The following FGR variants were observed in gnomAD, a reference collection of about 807,000 sequenced individuals.
The protein encoded by FGR is tyrosine-protein kinase Fgr.
Under a neutral mutation model 63.2 loss-of-function variants are expected in FGR, and 26 were observed. The ratio of observed to expected loss-of-function variants is 0.41; its 90% CI spans 0.30 to 0.57. The LOEUF is 0.57. Among genes scored for constraint, FGR ranks in the 20% least tolerant of loss-of-function variants. The pLI is 0.27. For synonymous variants in FGR, 286 were observed against 277.7 expected (o/e 1.03, Z -0.30); for missense variants, 511 against 690.8 (o/e 0.74, Z 2.92).
chr1:27,627,602 T>G (rs1037323886), intron 1 of FGR, among the ~76,000 whole-genome samples: 1 of 152,110 alleles, frequency 6.6e-6, no homozygotes, highest in African/African-American at 2.4e-5. Context: ...TAAGTAGTAT[T>G]ATTATTATTA....
In FGR at chr1:27,614,426, GC is replaced by G; in HGVS notation, c.1249+3del. The G allele has an allele frequency of 6.2e-7, 1 of 1,610,308 alleles. No individual in the cohort carries two copies. The highest frequency in any genetic ancestry group is 1.1e-5 in the South Asian group (1 of 90,710). Reference sequence around the variant, plus strand: ...CTCTTGGAAGGTGGGGTGAAGCAGGGCACCTTGGCAGGGGTTGTACTCATCG... The same window carrying G: ...CTCTTGGAAGGTGGGGTGAAGCAGGGACCTTGGCAGGGGTTGTACTCATCG... On this transcript the variant is annotated splice_donor_region_variant and intron_variant, in intron 11 of 12. Transcript: ENST00000374005.
chr1:27,626,199 C>T, intron 1 of FGR: 1 of 398,684 alleles, frequency 2.5e-6, no homozygotes, highest in Non-Finnish European at 4.4e-6. Context: ...AGCAAGGGTC[C>T]CCCACACCCT....
chr1:27,626,730 A>G (rs1054857448), intron 1 of FGR, among the ~76,000 whole-genome samples: 2 of 152,140 alleles, frequency 1.3e-5, no homozygotes, highest in Non-Finnish European at 2.9e-5. Flanking sequence ...CCTGGGATGA[A>G]ACCACTGTGT....
At chr1:27,628,313 A>G (rs1400346838) in intron 1 of FGR, among the ~76,000 whole-genome samples, 1 of 151,956 alleles carries the variant, frequency 6.6e-6, no homozygotes, top group Non-Finnish European at 1.5e-5. Flanking sequence ...ATGCCACTGT[A>G]CTCCAGCCTG....
At chr1:27,629,210 A>AAAAAGAAAAG (rs553090572) in intron 1 of FGR, among the ~76,000 whole-genome samples, 1 of 152,066 alleles carries the variant, frequency 6.6e-6, no homozygotes, top group Non-Finnish European at 1.5e-5. Flanking sequence ...TGACTCTCAA[A>AAAAAGAAAAG]AAAAGAAAAG....
chr1:27,626,230 A>C (rs916765008), intron 1 of FGR: 1 of 398,536 alleles, frequency 2.5e-6, no homozygotes, highest in Admixed American at 4.4e-5. Context: ...TTGCCATTGC[A>C]ACACTCAGAG....
At chr1:27,632,406 G>A (rs1344133273) in intron 1 of FGR, among the ~76,000 whole-genome samples, 1 of 152,028 alleles carries the variant, frequency 6.6e-6, no homozygotes, top group African/African-American at 2.4e-5. Flanking sequence ...CTAAAGTGCT[G>A]GGATTACAGG....
rs962155929 is a variant in FGR at position 27,615,504 on chromosome 1, G to C, written c.948C>G (p.Asp316Glu). The C allele has an allele frequency of 3.7e-6, 6 of 1,613,758 alleles. No homozygotes were observed. The African/African-American group carries it at 6.7e-5, about 18-fold the overall frequency. Residue 316 changes from aspartate to glutamate, a missense_variant, in exon 9 of 13, where the codon GAC becomes GAG. Coordinates refer to ENST00000374005, the MANE Select transcript of FGR (RefSeq NM_005248.3). This position sits in a 1 kb window ranked among gnomAD's most constrained non-coding sequence, Gnocchi z 7.6. ...CCACGGCGTACAGCTGCACCAGCTT[G>C]TCGTGCCGCAGCAGCTTCATGACCT... ...EAQVMKLLRHDKLVQLYAVVS... is the reference protein window; with the variant it reads ...EAQVMKLLRHEKLVQLYAVVS...
At chr1:27,633,188 G>A (rs1250065142) in intron 1 of FGR, among the ~76,000 whole-genome samples, 1 of 152,124 alleles carries the variant, frequency 6.6e-6, no homozygotes, top group Admixed American at 6.6e-5. Context: ...AACTTGGTAG[G>A]GATGAGGTAA....
Position 27,623,073 on chromosome 1 carries a change from T to C in FGR, c.298A>G (p.Lys100Glu), listed in dbSNP as rs1283299814. The C allele has an allele frequency of 6.2e-7, 1 of 1,613,988 alleles. No individual in the cohort carries two copies. The highest frequency in any genetic ancestry group is 8.5e-7 in the Non-Finnish European group (1 of 1,179,948). ...ARTEDDLTFT[K>E]GEKFHILNNT... ...TTCAGGATGTGGAACTTCTCGCCCT[T>C]GGTGAAGGTGAGGTCATCCTCAGTT... The change falls in exon 4 of 13, where the codon AAG becomes GAG. Residue 100 changes from lysine (K) to glutamate (E), a missense_variant. By Grantham distance (56) the Lys-to-Glu change is moderately conservative (BLOSUM62 1). Transcript: ENST00000374005.
intron 1 of FGR, among the ~76,000 whole-genome samples, chr1:27,630,059 G>A (rs2090082789): frequency 6.6e-6 from 1 of 151,854 alleles, no homozygotes; most frequent in Admixed American, 6.6e-5. Flanking sequence ...GATTTTTTTT[G>A]TGATTTTTTT....
chr1:27,618,239 A>G (rs745643725), intron 5 of FGR, among the ~76,000 whole-genome samples: 1 of 152,118 alleles, frequency 6.6e-6, no homozygotes, highest in African/African-American at 2.4e-5. Context: ...GACAGGACAC[A>G]TTGTCAAGTT....
chr1:27,626,889 G>A (rs112669407), intron 1 of FGR, among the ~76,000 whole-genome samples: 16 of 152,222 alleles, frequency 1.1e-4, no homozygotes, highest in East Asian at 1.9e-4. Flanking sequence ...GGGTGAGGCC[G>A]GGCACAGTGG....
In FGR at chr1:27,623,134, C is replaced by G. The variant is rs764776667; in HGVS notation, c.237G>C (p.Val79=). The G allele has an allele frequency of 6.2e-7, 1 of 1,613,696 alleles. No individual in the cohort carries two copies. ...AGTCATACAGGGCAATGAACAGGGT[C>G]ACCCCAATCCCTGCAGAGTCAGGGC... The part of the protein sequence containing the change: ...GTIRGVSGIG[V]TLFIALYDYE... The change falls in exon 4 of 13, where the codon GTG becomes GTC. Residue 79 remains valine (V), a synonymous_variant. Coordinates refer to ENST00000374005, the MANE Select transcript of FGR (RefSeq NM_005248.3).
chr1:27,626,515 C>T (rs1478379096), intron 1 of FGR: 4 of 256,484 alleles, frequency 1.6e-5, no homozygotes, highest in East Asian at 6.9e-5. Context: ...CTGATGGTTC[C>T]GTCACATCAG....
At chr1:27,621,724 G>A in intron 4 of FGR, 67 bp from the exon 5 acceptor site, 1 of 1,128,100 alleles carries the variant, frequency 8.9e-7, no homozygotes. Context: ...AGGCCAGGTG[G>A]AGCCACACAG....
At chr1:27,619,146 C>G (rs2089873137) in intron 5 of FGR, among the ~76,000 whole-genome samples, 1 of 152,210 alleles carries the variant, frequency 6.6e-6, no homozygotes, top group Non-Finnish European at 1.5e-5. Flanking sequence ...TTTGCACTCT[C>G]CACTCTCTTC....
intron 1 of FGR, chr1:27,626,155 G>T: frequency 2.5e-6 from 1 of 398,652 alleles, no homozygotes; most frequent in East Asian, 3.6e-5. Flanking sequence ...TTCTGGCAGC[G>T]GTATCCTCTG....
At position 27,616,886 on chromosome 1, in the gene FGR, G is replaced by A. The variant is rs2148525021; in HGVS notation, c.653C>T (p.Ser218Leu). 4 of 1,614,168 alleles carry A rather than the reference G, an allele frequency of 2.5e-6. No individual in the cohort carries two copies. Among genetic ancestry groups the A allele is most frequent in the South Asian group, 1.1e-5 (1 of 91,078 alleles). Residue 218 changes from serine to leucine, a missense_variant, in exon 7 of 13, where the codon TCG (serine) becomes TTG (leucine). Coordinates refer to ENST00000374005, the MANE Select transcript of FGR (RefSeq NM_005248.3). This position sits in a 1 kb window ranked among gnomAD's most constrained non-coding sequence, Gnocchi z 4.3. ...YYITTRVQFN[S>L]VQELVQHYME... Reference sequence around the variant, plus strand: ...GTAGTGCTGCACCAGCTCCTGCACCGAGTTGAACTGAACCCGTGTGGTGAT... The same window carrying A: ...GTAGTGCTGCACCAGCTCCTGCACCAAGTTGAACTGAACCCGTGTGGTGAT...
Sources: allele counts gnomAD v4.1 joint callset (sites outside exome capture counted in the v4.1 genomes callset), GRCh38; gene constraint gnomAD v4.1.1; non-coding constraint Gnocchi (gnomAD v3.1); transcripts MANE v1.5; gene names NCBI Gene and HGNC (gene_info 2026-07-23, HGNC 2026-07-21).